Variants in NCAPG2 observed in about 807,000 individuals in gnomAD.
The protein encoded by NCAPG2 is condensin-2 complex subunit G2.
Under a neutral mutation model 141.1 loss-of-function variants are expected in NCAPG2, and 53 were observed. The observed-to-expected ratio is 0.38, with a 90% CI of 0.30 to 0.47. The LOEUF (loss-of-function observed/expected upper bound fraction) is 0.47. Among genes scored for constraint, NCAPG2 ranks in the 20% least tolerant of loss-of-function variants. NCAPG2 has a pLI of 0.99. For synonymous variants in NCAPG2, 499 were observed against 490.7 expected (o/e 1.02, Z -0.22); for missense variants, 1,087 against 1,389.0 (o/e 0.78, Z 3.46).
intron 21 of NCAPG2, among the ~76,000 whole-genome samples, 171 bp downstream of exon 21, chr7:158,654,947 T>A (rs1372116213): frequency 1.3e-5 from 2 of 152,182 alleles, no homozygotes; most frequent in African/African-American, 4.8e-5. Context: ...ACACTGAAAG[T>A]ATGCAGTTTA....
intron 4 of NCAPG2, among the ~76,000 whole-genome samples, chr7:158,691,922 A>C (rs1284745403): frequency 6.6e-6 from 1 of 152,234 alleles, no homozygotes; most frequent in Non-Finnish European, 1.5e-5. Flanking sequence ...TGGTCCAGTA[A>C]GTCAGACTTC....
rs1402746446 is a variant in NCAPG2, at chr7:158,675,464, T to TA, written c.1326+12dup. ...ACAAATAAACATTACTTACATAATT[T>TA]AAAAAATCTTACCTTAAAGACAGAA... On this transcript the variant is annotated intron_variant, in intron 12 of 27. Transcript: ENST00000356309. The TA allele has an allele frequency of 3.2e-6, 5 of 1,562,024 alleles. No homozygotes were observed. In the African/African-American group the frequency reaches 5.6e-5, roughly 17 times the overall value.
At chr7:158,677,119 A>G (rs946279042) in intron 11 of NCAPG2, among the ~76,000 whole-genome samples, 2 of 152,162 alleles carry the variant, frequency 1.3e-5, no homozygotes, top group African/African-American at 4.8e-5. Flanking sequence ...TGTGCTCCCC[A>G]GGATAAAGTC....
intron 23 of NCAPG2, among the ~76,000 whole-genome samples, chr7:158,651,312 T>G (rs1344552804): frequency 6.6e-6 from 1 of 152,210 alleles, no homozygotes; most frequent in Non-Finnish European, 1.5e-5. Flanking sequence ...GGCAATGTAT[T>G]CTGACTAAAG....
In NCAPG2 at chr7:158,655,798, G is replaced by T. The variant is rs561753416; in HGVS notation, c.2389-343C>A. On this transcript the variant is annotated intron_variant, in intron 19 of 27. Transcript: ENST00000356309. ...TGGTACAGTCACACTTGAGGGCAGC[G>T]TAACAGGGTGTTCAGAGGGCTGGCT... 2.1e-3 allele frequency among the ~76,000 whole-genome samples: 3 copies of T among 1,420 alleles called. No individual in the cohort carries two copies. In the Admixed American group the frequency reaches 0.031, roughly 14 times the overall value. The allele number at this position is 1,420 out of a possible 152,430, so 0.9% of individuals were successfully genotyped here. A position where few individuals can be genotyped will look rare whatever the true frequency, so the allele number is the denominator to read the frequency against.
chr7:158,661,974 T>C (rs1832545430), intron 16 of NCAPG2, among the ~76,000 whole-genome samples: 1 of 152,174 alleles, frequency 6.6e-6, no homozygotes, highest in Non-Finnish European at 1.5e-5. Flanking sequence ...GACGTTTCTC[T>C]GGGTGCTGAG....
At chr7:158,637,379 C>G (rs542055587) in intron 27 of NCAPG2, among the ~76,000 whole-genome samples, 1 of 152,308 alleles carries the variant, frequency 6.6e-6, no homozygotes, top group African/African-American at 2.4e-5. Flanking sequence ...CCCAGTTCAA[C>G]GTCCCATCAC....
chr7:158,700,533 A>G (rs990672928), intron 2 of NCAPG2, among the ~76,000 whole-genome samples: 3 of 152,252 alleles, frequency 2.0e-5, no homozygotes, highest in Non-Finnish European at 4.4e-5. Context: ...AATACAATCC[A>G]TATACACTGC....
intron 3 of NCAPG2, 93 bp downstream of exon 3, chr7:158,693,216 T>A (rs1835237064): frequency 2.2e-6 from 3 of 1,345,394 alleles, no homozygotes; most frequent in Non-Finnish European, 3.1e-6. Flanking sequence ...CTTCAAAATC[T>A]GTCTTAATGT....
chr7:158,631,592 A>C lies in NCAPG2; in HGVS notation c.*74T>G. The C allele has an allele frequency of 1.5e-5, 20 of 1,342,616 alleles. No homozygotes were observed. The highest frequency in any genetic ancestry group is 8.5e-6 in the Non-Finnish European group (8 of 939,630). 83.2% of individuals were successfully genotyped at this position (1,342,616 alleles called of 1,614,324 possible). ...TATATGGGTTATTAACATTAAAAACAATAGGAAAATACACAGGCATTTCAA... is the reference window on the plus strand; with the variant it reads ...TATATGGGTTATTAACATTAAAAACCATAGGAAAATACACAGGCATTTCAA... On this transcript the variant is annotated 3_prime_UTR_variant, in exon 28 of 28. Coordinates refer to ENST00000356309, the MANE Select transcript of NCAPG2 (RefSeq NM_017760.7).
intron 24 of NCAPG2, among the ~76,000 whole-genome samples, chr7:158,647,436 C>T (rs546902348): frequency 6.6e-6 from 1 of 152,226 alleles, no homozygotes; most frequent in Non-Finnish European, 1.5e-5. Context: ...TTTAGAGCCA[C>T]GAGGGCACCT....
chr7:158,641,498 G>C, intron 27 of NCAPG2: 2 of 683,878 alleles, frequency 2.9e-6, no homozygotes, highest in Non-Finnish European at 5.3e-6. Flanking sequence ...AGGATAGATT[G>C]AGTCCAGGAG....
intron 16 of NCAPG2, 121 bp from the exon 17 acceptor site, chr7:158,658,529 C>T: frequency 2.5e-6 from 2 of 813,390 alleles, no homozygotes; most frequent in Non-Finnish European, 3.6e-6. Flanking sequence ...CCATGGCAGT[C>T]CTTTCCACGT....
chr7:158,682,890 A>G (rs1834529584), intron 9 of NCAPG2, among the ~76,000 whole-genome samples: 1 of 152,238 alleles, frequency 6.6e-6, no homozygotes, highest in Non-Finnish European at 1.5e-5. Context: ...TTACCTTTAC[A>G]GAACAAAATA....
intron 27 of NCAPG2, among the ~76,000 whole-genome samples, chr7:158,636,635 C>A (rs1830220039): frequency 6.6e-6 from 1 of 152,172 alleles, no homozygotes; most frequent in Admixed American, 6.5e-5. Flanking sequence ...CTCCCGACCT[C>A]AGGTGATCTG....
In NCAPG2 at chr7:158,633,107, G is replaced by A. The variant is rs903911045; in HGVS notation, c.3381-1390C>T. ...TCCAGAATGTAGTGAAAGAAAAAAG[G>A]GAATCTGCATATATTTCTTTAAGCT... On this transcript the variant is annotated intron_variant, in intron 27 of 27. Coordinates refer to ENST00000356309, the MANE Select transcript of NCAPG2 (RefSeq NM_017760.7). The surrounding 1 kb of genome is among the most constrained non-coding windows in gnomAD (Gnocchi z 4.1). 3.9e-5 allele frequency among the ~76,000 whole-genome samples: 6 copies of A among 152,076 alleles called. No homozygotes were observed. The highest frequency in any genetic ancestry group is 2.9e-5 in the Non-Finnish European group (2 of 68,014).
Position 158,686,211 on chromosome 7 carries a change from A to G in NCAPG2, c.798T>C (p.Tyr266=). The change falls in exon 8 of 28, where the codon TAT becomes TAC. Residue 266 remains tyrosine, a synonymous_variant. Coordinates refer to ENST00000356309, the MANE Select transcript of NCAPG2 (RefSeq NM_017760.7). ...CTGAAGCCTTTTTCCAAGCTCTGAAATAAATTTCTGCAATGTATACCATCA... is the reference window on the plus strand; with the variant it reads ...CTGAAGCCTTTTTCCAAGCTCTGAAGTAAATTTCTGCAATGTATACCATCA... ...KSLMVYIAEI[Y]FRAWKKASGK... is the part of the protein sequence containing the mutation. The G allele has an allele frequency of 6.3e-7, 1 of 1,582,668 alleles. No individual in the cohort carries two copies. The highest frequency in any genetic ancestry group is 8.6e-7 in the Non-Finnish European group (1 of 1,165,192).
chr7:158,696,296 G>A (rs1835440010), intron 2 of NCAPG2: 1 of 152,164 alleles, frequency 6.6e-6, no homozygotes, highest in Non-Finnish European at 1.5e-5. Context: ...CACGGGCTCC[G>A]AGAGGAAGTA....
At position 158,664,519 on chromosome 7, in the gene NCAPG2, A is replaced by C; in HGVS notation, c.1702+9T>G. 6.2e-7 allele frequency: 1 copy of C among 1,611,180 alleles called. No individual in the cohort carries two copies. On this transcript the variant is annotated intron_variant, in intron 14 of 27. Coordinates refer to ENST00000356309, the MANE Select transcript of NCAPG2 (RefSeq NM_017760.7). The stretch of plus-strand genomic sequence containing the variant: ...ATAACAAGAACTGAGAAATAACAGC[A>C]CTCCCTACCTATGTTGGTGCAGGCG...
Sources: allele counts gnomAD v4.1 joint callset (sites outside exome capture counted in the v4.1 genomes callset), GRCh38; gene constraint gnomAD v4.1.1; non-coding constraint Gnocchi (gnomAD v3.1); transcripts MANE v1.5; gene names NCBI Gene and HGNC (gene_info 2026-07-23, HGNC 2026-07-21).